Variants in SUCLG1 observed in about 807,000 individuals in gnomAD.
The protein encoded by SUCLG1 is succinate-CoA ligase GDP/ADP-forming subunit alpha, also known as succinate--CoA ligase [ADP/GDP-forming] subunit alpha, mitochondrial.
In SUCLG1, 26 loss-of-function variants were observed where a neutral mutation model predicts 37.3. The observed-to-expected ratio is 0.70, with a 90% CI of 0.51 to 0.97. SUCLG1 has a LOEUF of 0.97. Ranked by LOEUF, SUCLG1 falls within the 50% of genes least tolerant of loss-of-function variation. The pLI, the probability that SUCLG1 is intolerant of heterozygous loss-of-function variation, is 0.00. For missense variants in SUCLG1, 433 were observed against 432.9 expected (o/e 1.00, Z 0.00); for synonymous variants, 163 against 155.6 (o/e 1.05, Z -0.36).
At chr2:84,446,450 G>A (rs1038088311) in intron 2 of SUCLG1, among the ~76,000 whole-genome samples, 16 of 152,160 alleles carry the variant, frequency 1.1e-4, no homozygotes, top group Admixed American at 3.9e-4. Context: ...AACTATTCAC[G>A]TTCTGTTAAA....
rs749283854 is a variant in SUCLG1 at position 84,441,094 on chromosome 2, C to T, written c.542G>A (p.Cys181Tyr). ...ATGGCCAGGCATGATGCCAATTTTA[C>T]ATTCTCCAGGCTGAAAGTAATCATA... ...NCPGVINPGECKIGIMPGHIH... is the reference protein window; with the variant it reads ...NCPGVINPGEYKIGIMPGHIH... The change falls in exon 5 of 9, where the codon TGT (cysteine) becomes TAT (tyrosine). Residue 181 changes from cysteine to tyrosine, a missense_variant. By Grantham distance (194) the Cys-to-Tyr change is radical. Transcript: ENST00000393868. The T allele has an allele frequency of 6.2e-6, 10 of 1,614,068 alleles. No individual in the cohort carries two copies. The highest frequency in any genetic ancestry group is 8.5e-6 in the Non-Finnish European group (10 of 1,180,016).
chr2:84,453,092 G>A (rs145274085), intron 1 of SUCLG1, among the ~76,000 whole-genome samples: 3 of 152,106 alleles, frequency 2.0e-5, no homozygotes, highest in Non-Finnish European at 4.4e-5. Flanking sequence ...TAGTACAAAC[G>A]CCATGCTGAC....
intron 7 of SUCLG1, 154 bp from the exon 8 acceptor site, chr2:84,425,757 T>C: frequency 6.4e-6 from 5 of 778,166 alleles, no homozygotes; most frequent in Non-Finnish European, 4.3e-6. Flanking sequence ...TAAACCATGA[T>C]TGAAACCACT....
chr2:84,425,325 A>G, intron 8 of SUCLG1, 90 bp downstream of exon 8: 2 of 1,520,314 alleles, frequency 1.3e-6, no homozygotes, highest in South Asian at 2.3e-5. Context: ...AAGTCCCAGA[A>G]GCAAAGGCCA....
At chr2:84,454,743 A>G (rs1217830225) in intron 1 of SUCLG1, among the ~76,000 whole-genome samples, 1 of 152,250 alleles carries the variant, frequency 6.6e-6, no homozygotes, top group Non-Finnish European at 1.5e-5. Context: ...TCAGCCACAT[A>G]CTGGTCCTCT....
At chr2:84,447,259 T>G (rs1159551990) in intron 2 of SUCLG1, among the ~76,000 whole-genome samples, 1 of 152,108 alleles carries the variant, frequency 6.6e-6, no homozygotes, top group Non-Finnish European at 1.5e-5. Context: ...AAAATGAATC[T>G]GAATCAACAA....
At chr2:84,434,133 G>A (rs1201632431) in intron 5 of SUCLG1, among the ~76,000 whole-genome samples, 1 of 152,174 alleles carries the variant, frequency 6.6e-6, no homozygotes, top group African/African-American at 2.4e-5. Flanking sequence ...TGTATAGCCT[G>A]CAGAATCATA....
chr2:84,449,019 G>C, intron 2 of SUCLG1: 1 of 308,974 alleles, frequency 3.2e-6, no homozygotes, highest in Non-Finnish European at 6.7e-6. Context: ...TTGCATCACA[G>C]ATATATTTAT....
intron 6 of SUCLG1, 50 bp downstream of exon 6, chr2:84,433,302 C>T: frequency 7.1e-7 from 1 of 1,401,546 alleles, no homozygotes; most frequent in South Asian, 1.2e-5. Flanking sequence ...TATACTCATC[C>T]AATGAAGACA....
chr2:84,441,425 A>G lies in SUCLG1; in HGVS notation c.353T>C (p.Ile118Thr). 10 of 1,614,196 alleles carry G rather than the reference A, an allele frequency of 6.2e-6. No homozygotes were observed. Among genetic ancestry groups the G allele is most frequent in the Non-Finnish European group, 8.5e-6 (10 of 1,180,036 alleles). The change falls in exon 4 of 9, where the codon ATT becomes ACT. Residue 118 changes from isoleucine (I) to threonine (T), a missense_variant. Coordinates refer to ENST00000393868, the MANE Select transcript of SUCLG1 (RefSeq NM_003849.4). ...AGCAGCAAAAGGCGGAGGAACATAA[A>G]TGACAGAAGCCGTTGCTCCTGTCTG... is the stretch of plus-strand genomic sequence containing the variant. The part of the protein sequence containing the change: ...KEQTGATASV[I>T]YVPPPFAAAA...
At chr2:84,438,606 T>C (rs1281440978) in intron 5 of SUCLG1, among the ~76,000 whole-genome samples, 1 of 152,182 alleles carries the variant, frequency 6.6e-6, no homozygotes, top group Non-Finnish European at 1.5e-5. Flanking sequence ...ATTGAGACTA[T>C]TAGCAATGGT....
intron 1 of SUCLG1, among the ~76,000 whole-genome samples, chr2:84,451,282 T>A (rs150288184): frequency 3.2e-4 from 48 of 147,826 alleles, no homozygotes; most frequent in African/African-American, 1.3e-3. Context: ...AATGCTCATA[T>A]CATATCATAT....
Position 84,441,031 on chromosome 2 carries a change from T to C in SUCLG1, c.589+16A>G, listed in dbSNP as rs115384987. On this transcript the variant is annotated intron_variant, in intron 5 of 8. Coordinates refer to ENST00000393868, the MANE Select transcript of SUCLG1 (RefSeq NM_003849.4). ...AATAACGTTTTAATCTATAAGAATG[T>C]AACAAACAAACTCACCAATCCTTCC... 0.055 allele frequency: 88,959 copies of C among 1,612,592 alleles called. 3,003 individuals are homozygous for C. The highest frequency in any genetic ancestry group is 0.067 in the Non-Finnish European group (79,291 of 1,178,882).
In SUCLG1 at chr2:84,433,453, C is replaced by A. The variant is rs769559300; in HGVS notation, c.590-18G>T. 18 of 1,606,620 alleles carry A rather than the reference C, an allele frequency of 1.1e-5. No individual in the cohort carries two copies. Among genetic ancestry groups the A allele is most frequent in the Non-Finnish European group, 1.4e-5 (16 of 1,173,784 alleles). On this transcript the variant is annotated intron_variant, in intron 5 of 8. Transcript: ENST00000393868. ...CACAATGCCTTAACGAAAGAGAATT[C>A]AAAAATATTAGATTGTGTTTCTATG...
intron 7 of SUCLG1, 121 bp from the exon 8 acceptor site, chr2:84,425,724 C>A: frequency 9.2e-7 from 1 of 1,081,756 alleles, no homozygotes; most frequent in Non-Finnish European, 1.4e-6. Flanking sequence ...CACCATTCAT[C>A]TTAGGAAAAC....
At chr2:84,436,493 C>A (rs1672688425) in intron 5 of SUCLG1, among the ~76,000 whole-genome samples, 2 of 152,222 alleles carry the variant, frequency 1.3e-5, no homozygotes, top group Non-Finnish European at 1.5e-5. Context: ...AAGGAGACTA[C>A]CTGCTGGCCT....
rs910358825 is a variant in SUCLG1, at chr2:84,433,210, A to G, written c.673+142T>C. 9 of 788,158 alleles carry G rather than the reference A, an allele frequency of 1.1e-5. No homozygotes were observed. In the African/African-American group the frequency reaches 1.6e-4, roughly 14 times the overall value. 48.8% of individuals were successfully genotyped at this position (788,158 alleles called of 1,614,324 possible). Reference sequence around the variant, plus strand: ...CAACTACAGAATAACTTTACACTTAAGCAAATTAAATTTGAGATCGTAACA... The same window carrying G: ...CAACTACAGAATAACTTTACACTTAGGCAAATTAAATTTGAGATCGTAACA... On this transcript the variant is annotated intron_variant, in intron 6 of 8. Coordinates refer to ENST00000393868, the MANE Select transcript of SUCLG1 (RefSeq NM_003849.4).
At chr2:84,426,187 A>G (rs1240056174) in intron 7 of SUCLG1, 1 of 159,084 alleles carries the variant, frequency 6.3e-6, no homozygotes, top group Non-Finnish European at 1.4e-5. Context: ...CCACTCTGGA[A>G]TTCTGTGTCT....
chr2:84,459,253 G>T lies in SUCLG1; in HGVS notation c.17C>A (p.Ala6Asp). Residue 6 changes from alanine to aspartate, a missense_variant, in exon 1 of 9, where the codon GCC (alanine) becomes GAC (aspartate). By Grantham distance (126) the Ala-to-Asp change is moderately radical (BLOSUM62 -2). Coordinates refer to ENST00000393868, the MANE Select transcript of SUCLG1 (RefSeq NM_003849.4). Reference sequence around the variant, plus strand: ...CATGGTAGCGATGTCAGCGGCAGCGGCAAGGGTTGCGGTCATACGCCAATG... The same window carrying T: ...CATGGTAGCGATGTCAGCGGCAGCGTCAAGGGTTGCGGTCATACGCCAATG... MTATL[A>D]AAADIATMVS... The T allele has an allele frequency of 6.4e-7, 1 of 1,550,688 alleles. No individual in the cohort carries two copies. The highest frequency in any genetic ancestry group is 8.7e-7 in the Non-Finnish European group (1 of 1,146,824).
Sources: gnomAD v4.1 joint callset for allele counts (sites outside exome capture counted in the v4.1 genomes callset) on GRCh38, gnomAD v4.1.1 for gene constraint, MANE v1.5 for transcripts, NCBI Gene and HGNC (gene_info 2026-07-23, HGNC 2026-07-21) for gene names.